NRG3: variants seen among roughly 807,000 people sequenced by gnomAD.
NRG3 encodes the protein neuregulin 3.
Under a neutral mutation model 66.9 loss-of-function variants are expected in NRG3, and 31 were observed. The observed-to-expected ratio is 0.46, with a 90% CI of 0.35 to 0.63. The LOEUF (loss-of-function observed/expected upper bound fraction) is 0.63, where lower values mean the gene tolerates loss of function less well. Ranked by LOEUF, NRG3 falls within the 20% of genes least tolerant of loss-of-function variation. NRG3 has a pLI of 0.00. For missense variants in NRG3, 910 were observed against 878.9 expected, an observed-to-expected ratio of 1.04 and a Z score of -0.45; for synonymous variants, 393 against 359.4, an observed-to-expected ratio of 1.09 and a Z score of -1.06.
intron 1 of NRG3, among the ~76,000 whole-genome samples, chr10:82,097,996 C>T (rs993948945): frequency 5.3e-5 from 8 of 149,548 alleles, no homozygotes; most frequent in Non-Finnish European, 8.9e-5. Context: ...AGTCTGAAAC[C>T]GAGAAGGATC....
At chr10:82,690,124 A>G (rs535153011) in intron 2 of NRG3, among the ~76,000 whole-genome samples, 1 of 152,306 alleles carries the variant, frequency 6.6e-6, no homozygotes, top group Admixed American at 6.5e-5. Flanking sequence ...ATTTATTTCC[A>G]CACATATAAG....
chr10:82,871,554 G>T (rs1325990832), intron 4 of NRG3, among the ~76,000 whole-genome samples: 2 of 152,022 alleles, frequency 1.3e-5, no homozygotes, highest in African/African-American at 4.8e-5. Flanking sequence ...TCACGAACAT[G>T]GAATATCTCT....
chr10:82,408,081 G>GAGAA (rs1564888020), intron 2 of NRG3, among the ~76,000 whole-genome samples: 2 of 67,026 alleles, frequency 3.0e-5, no homozygotes, highest in Admixed American at 1.8e-4. Context: ...GAGAGAGAGA[G>GAGAA]AGACAGAAAG....
intron 1 of NRG3, among the ~76,000 whole-genome samples, chr10:82,104,005 A>G (rs1236825585): frequency 6.7e-6 from 1 of 149,214 alleles, no homozygotes; most frequent in Non-Finnish European, 1.5e-5. Flanking sequence ...TACCTGCTGT[A>G]TGTGTTTTAA....
Position 82,426,634 on chromosome 10 carries a change from ATT to A in NRG3, c.953+67767_953+67768del, listed in dbSNP as rs1564908135. The stretch of plus-strand genomic sequence containing the variant: ...TATTATTATTATTATTATTATTATT[ATT>A]ATTATTATTATTTTGAGACAGGGTC... On this transcript the variant is annotated intron_variant, in intron 2 of 8. Transcript: ENST00000372141. Among the ~76,000 whole-genome samples the A allele has an allele frequency of 3.0e-3, 368 of 122,962 alleles. 3 individuals are homozygous for A. The highest frequency in any genetic ancestry group is 0.013 in the African/African-American group (355 of 28,206). The allele number at this position is 122,962 out of a possible 152,430, so 80.7% of individuals were successfully genotyped here.
chr10:82,358,740 TACG>T lies in NRG3; in HGVS notation c.831_833del (p.Thr278del). ...TTCCCCCTGTGCTTTCCCTGACAGA[TACG>T]ACGACATATTCCACAGAGCGATCCG... On this transcript the variant is annotated inframe_deletion and splice_region_variant, in exon 2 of 9. Coordinates refer to ENST00000372141, the MANE Select transcript of NRG3 (RefSeq NM_001010848.4). 4 of 1,614,118 alleles carry T rather than the reference TACG, an allele frequency of 2.5e-6. No homozygotes were observed. Among genetic ancestry groups the T allele is most frequent in the Non-Finnish European group, 3.4e-6 (4 of 1,180,000 alleles).
At chr10:81,999,603 C>T (rs1485322778) in intron 1 of NRG3, among the ~76,000 whole-genome samples, 4 of 151,908 alleles carry the variant, frequency 2.6e-5, no homozygotes, top group Non-Finnish European at 4.4e-5. Flanking sequence ...CTTTGGGAGT[C>T]GTAACAAAAC....
intron 1 of NRG3, among the ~76,000 whole-genome samples, chr10:82,009,629 G>A (rs2061501145): frequency 6.6e-6 from 1 of 152,152 alleles, no homozygotes; most frequent in South Asian, 2.1e-4. Context: ...GTGTGCAGTG[G>A]TGCACAAAAA....
rs1491227241 is a variant in NRG3 at position 82,132,479 on chromosome 10, G to GATATATATATCATATATATATATATC, written c.824-226250_824-226249insCATATATATATATATCATATATATAT. On this transcript the variant is annotated intron_variant, in intron 1 of 8. Coordinates refer to ENST00000372141, the MANE Select transcript of NRG3 (RefSeq NM_001010848.4). ...TATATGATATATATGATATATATAT[G>GATATATATATCATATATATATATATC]ATATATATATATGATATATATATAT... 2.5e-3 allele frequency among the ~76,000 whole-genome samples: 158 copies of GATATATATATCATATATATATATATC among 62,446 alleles called. 8 individuals are homozygous for GATATATATATCATATATATATATATC. Among genetic ancestry groups the GATATATATATCATATATATATATATC allele is most frequent in the Non-Finnish European group, 4.2e-3 (132 of 31,616 alleles). The allele number at this position is 62,446 out of a possible 152,430, so 41.0% of individuals were successfully genotyped here.
At chr10:82,531,536 T>C (rs1414089449) in intron 2 of NRG3, among the ~76,000 whole-genome samples, 1 of 151,852 alleles carries the variant, frequency 6.6e-6, no homozygotes, top group African/African-American at 2.4e-5. Flanking sequence ...CATAAGCCAA[T>C]TTATTAATTA....
chr10:82,471,771 C>T (rs1311812868), intron 2 of NRG3, among the ~76,000 whole-genome samples: 2 of 152,006 alleles, frequency 1.3e-5, no homozygotes, highest in Non-Finnish European at 2.9e-5. Context: ...CACCTATAAT[C>T]CCAGCTACTC....
chr10:82,432,196 T>A (rs1445805580), intron 2 of NRG3, among the ~76,000 whole-genome samples: 1 of 152,174 alleles, frequency 6.6e-6, no homozygotes, highest in Non-Finnish European at 1.5e-5. Flanking sequence ...ACTGAAAAAA[T>A]TGTATCTGTT....
chr10:82,598,744 G>T (rs186378584), intron 2 of NRG3, among the ~76,000 whole-genome samples: 125 of 152,240 alleles, frequency 8.2e-4, no homozygotes, highest in Admixed American at 1.5e-3. Flanking sequence ...GAGTATGAAA[G>T]TCCAGTTGAA....
In NRG3 at chr10:82,055,320, C is replaced by CA. The variant is rs546771941; in HGVS notation, c.823+179165dup. Reference sequence around the variant, plus strand: ...TGAAAACCCATCTCTACTAAAAATACAAAAAAAATAGCCAGGCATGGTGAC... The same window carrying CA: ...TGAAAACCCATCTCTACTAAAAATACAAAAAAAAATAGCCAGGCATGGTGAC... On this transcript the variant is annotated intron_variant, in intron 1 of 8. Coordinates refer to ENST00000372141, the MANE Select transcript of NRG3 (RefSeq NM_001010848.4). 1.2e-4 allele frequency among the ~76,000 whole-genome samples: 18 copies of CA among 150,160 alleles called. No homozygotes were observed. In the South Asian group the frequency reaches 1.3e-3, roughly 11 times the overall value.
chr10:81,915,709 A>G (rs771311114), intron 1 of NRG3, among the ~76,000 whole-genome samples: 6 of 152,140 alleles, frequency 3.9e-5, no homozygotes, highest in Non-Finnish European at 7.4e-5. Context: ...GAGTTTATCT[A>G]GCACCTCTCT....
intron 1 of NRG3, among the ~76,000 whole-genome samples, chr10:82,056,492 C>T (rs561607855): frequency 9.2e-5 from 14 of 152,118 alleles, no homozygotes; most frequent in African/African-American, 3.4e-4. Context: ...CAGAATAAAG[C>T]CACAGGAAAT....
At chr10:82,095,907 A>G (rs927386045) in intron 1 of NRG3, among the ~76,000 whole-genome samples, 3 of 152,208 alleles carry the variant, frequency 2.0e-5, no homozygotes, top group African/African-American at 2.4e-5. Flanking sequence ...TCTTCAAGAA[A>G]TGTTCAGCCT....
chr10:82,390,982 G>A (rs772974446), intron 2 of NRG3, among the ~76,000 whole-genome samples: 4 of 152,070 alleles, frequency 2.6e-5, no homozygotes, highest in East Asian at 1.9e-4. Flanking sequence ...CCTGGCTTCC[G>A]GATTACAAAT....
chr10:82,649,614 C>T (rs529684755), intron 2 of NRG3, among the ~76,000 whole-genome samples: 5 of 151,744 alleles, frequency 3.3e-5, no homozygotes, highest in East Asian at 2.0e-4. Flanking sequence ...CCACCACGCC[C>T]GGCTAATTTT....
Sources: gnomAD v4.1 joint callset for allele counts (sites outside exome capture counted in the v4.1 genomes callset) on GRCh38, gnomAD v4.1.1 for gene constraint, MANE v1.5 for transcripts, NCBI Gene and HGNC (gene_info 2026-07-23, HGNC 2026-07-21) for gene names.